PLTP: variants seen among roughly 807,000 people sequenced by gnomAD.
The protein encoded by PLTP is BPI fold containing family E.
Under a neutral mutation model 54.1 loss-of-function variants are expected in PLTP, and 43 were observed. That is an observed-to-expected ratio of 0.79 (90% CI 0.62 to 1.02). The LOEUF (loss-of-function observed/expected upper bound fraction) is 1.02, where lower values mean the gene tolerates loss of function less well. PLTP is among the 50% of genes least tolerant of loss of function. PLTP has a pLI of 0.00. For synonymous variants in PLTP, 263 were observed against 264.6 expected, an observed-to-expected ratio of 0.99 and a Z score of 0.06; for missense variants, 604 against 645.9, an observed-to-expected ratio of 0.94 and a Z score of 0.70.
chr20:45,911,346 G>C lies in PLTP; in HGVS notation c.100+7C>G. On this transcript the variant is annotated splice_region_variant and intron_variant, in intron 2 of 15. Coordinates refer to ENST00000372431, the MANE Select transcript of PLTP (RefSeq NM_006227.4). ...CCCGTCCGTCCCTGTCTGCCCCTGC[G>C]CCTTACCCAGCTCCAGCGCCTTGGA... The C allele has an allele frequency of 6.2e-7, 1 of 1,613,322 alleles. No homozygotes were observed. The highest frequency in any genetic ancestry group is 1.7e-5 in the Admixed American group (1 of 60,016).
At chr20:45,907,653 T>A in intron 7 of PLTP, 39 bp downstream of exon 7, 1 of 1,586,110 alleles carries the variant, frequency 6.3e-7, no homozygotes, top group East Asian at 2.2e-5. Context: ...AGGTGCTGCA[T>A]GACAGCTGCA....
Position 45,902,332 on chromosome 20 carries a change from G to T in PLTP, c.1110C>A (p.Asp370Glu). 1 of 1,614,168 alleles carries T rather than the reference G, an allele frequency of 6.2e-7. No individual in the cohort carries two copies. Among genetic ancestry groups the T allele is most frequent in the Non-Finnish European group, 8.5e-7 (1 of 1,180,044 alleles). The change falls in exon 12 of 16, where the codon GAC becomes GAA. Residue 370 changes from aspartate (D) to glutamate (E), a missense_variant and splice_region_variant. Physicochemically the swap from Asp to Glu is conservative, Grantham distance 45 (BLOSUM62 2). Coordinates refer to ENST00000372431, the MANE Select transcript of PLTP (RefSeq NM_006227.4). ...GAGCCATCTTGGCGCTGAGACGGGCGTCCTGCAGGAACATGGGGAGGAGGA... is the reference window on the plus strand; with the variant it reads ...GAGCCATCTTGGCGCTGAGACGGGCTTCCTGCAGGAACATGGGGAGGAGGA... Reference protein sequence around the residue: ...PEVQLSSMTMDARLSAKMALR... With the variant: ...PEVQLSSMTMEARLSAKMALR...
In PLTP at chr20:45,906,747, T is replaced by C. The variant is rs1461714409; in HGVS notation, c.614-388A>G. On this transcript the variant is annotated intron_variant, in intron 7 of 15. Transcript: ENST00000372431. ...CTCTACTAAAAATACAAAAATTAGT[T>C]GGGCATGGTGGTGGGCGCCTGTAAT... Among the ~76,000 whole-genome samples the C allele has an allele frequency of 5.0e-5, 7 of 139,928 alleles. 1 individual carries two copies. In the Admixed American group the frequency reaches 5.3e-4, roughly 11 times the overall value. 91.8% of individuals were successfully genotyped at this position (139,928 alleles called of 152,430 possible).
Position 45,898,918 on chromosome 20 carries a change from C to T in PLTP, c.*23G>A. The T allele has an allele frequency of 6.2e-7, 1 of 1,612,034 alleles. No individual in the cohort carries two copies. Among genetic ancestry groups the T allele is most frequent in the East Asian group, 2.2e-5 (1 of 44,814 alleles). On this transcript the variant is annotated 3_prime_UTR_variant, in exon 16 of 16. Transcript: ENST00000372431. This position sits in a 1 kb window ranked among gnomAD's most constrained non-coding sequence, Gnocchi z 4.6. ...GAGGGGTTGGGGTCCTGAATGACAG[C>T]TGCCAGCTTGGGGATTGAGGGCTCA...
intron 4 of PLTP, 117 bp from the exon 5 acceptor site, chr20:45,909,788 T>C (rs378114): frequency 0.74 from 1,040,397 of 1,412,392 alleles, 385,747 homozygotes; most frequent in Admixed American, 0.85. Flanking sequence ...CTACCAAACC[T>C]TCCTATCAAC....
chr20:45,909,963 C>T lies in PLTP; in HGVS notation c.308G>A (p.Arg103Lys). The T allele has an allele frequency of 6.2e-7, 1 of 1,614,142 alleles. No individual in the cohort carries two copies. The highest frequency in any genetic ancestry group is 8.5e-7 in the Non-Finnish European group (1 of 1,180,032). Residue 103 changes from arginine to lysine, a missense_variant, in exon 4 of 16, where the codon AGA becomes AAA. By Grantham distance (26) the Arg-to-Lys change is conservative. Transcript: ENST00000372431. Reference sequence around the variant, plus strand: ...TTACAAGAACCAGTAGAGCAGCTGTCTCCGGAAGCGCAGCCCCAAGGAGGC... The same window carrying T: ...TTACAAGAACCAGTAGAGCAGCTGTTTCCGGAAGCGCAGCCCCAAGGAGGC... ...TNASLGLRFRRQLLYWFFYDG... is the reference protein window; with the variant it reads ...TNASLGLRFRKQLLYWFFYDG...
At chr20:45,906,108 G>A (rs1365649429) in intron 8 of PLTP, among the ~76,000 whole-genome samples, 160 bp downstream of exon 8, 2 of 152,182 alleles carry the variant, frequency 1.3e-5, no homozygotes, top group Non-Finnish European at 2.9e-5. Context: ...CCAGACCCAG[G>A]AGGCTGAACC....
rs1217903021 is a variant in PLTP, at chr20:45,902,621, A to AG, written c.943-18dup. ...TGCTGGGCTCTGGGGGATGAGCAGCAGGGGCGGGTCAAGTCCCTGCCATTT... is the reference window on the plus strand; with the variant it reads ...TGCTGGGCTCTGGGGGATGAGCAGCAGGGGGCGGGTCAAGTCCCTGCCATTT... On this transcript the variant is annotated splice_polypyrimidine_tract_variant and intron_variant, in intron 10 of 15. Transcript: ENST00000372431. 1 of 1,584,434 alleles carries AG rather than the reference A, an allele frequency of 6.3e-7. No homozygotes were observed. Among genetic ancestry groups the AG allele is most frequent in the East Asian group, 2.3e-5 (1 of 43,260 alleles).
rs562285652 is a variant in PLTP, at chr20:45,900,169, C to T, written c.1176-291G>A. ...TGTCGCCCACGCTGGAGTGCAGTGGCGCGATCTCGGCTCACTGCTCCGTCT... is the reference window on the plus strand; with the variant it reads ...TGTCGCCCACGCTGGAGTGCAGTGGTGCGATCTCGGCTCACTGCTCCGTCT... On this transcript the variant is annotated intron_variant, in intron 12 of 15. Transcript: ENST00000372431. 3.9e-5 allele frequency among the ~76,000 whole-genome samples: 5 copies of T among 128,236 alleles called. No individual in the cohort carries two copies. The East Asian group carries it at 9.8e-4, about 25-fold the overall frequency. 84.1% of individuals were successfully genotyped at this position (128,236 alleles called of 152,430 possible). A position where few individuals can be genotyped will look rare whatever the true frequency, so the allele number is the denominator to read the frequency against.
At chr20:45,900,001 C>T in intron 12 of PLTP, 123 bp from the exon 13 acceptor site, 1 of 799,966 alleles carries the variant, frequency 1.3e-6, no homozygotes, top group Non-Finnish European at 2.2e-6. Context: ...GGCACCTTTC[C>T]AAGTGCTACA....
intron 3 of PLTP, chr20:45,910,803 CCCT>C: frequency 8.3e-7 from 1 of 1,202,338 alleles, no homozygotes; most frequent in Non-Finnish European, 1.1e-6. Flanking sequence ...GTTTCTCCAC[CCCT>C]CCGATTAACT....
chr20:45,901,316 G>A (rs2083181896), intron 12 of PLTP, among the ~76,000 whole-genome samples: 1 of 152,174 alleles, frequency 6.6e-6, no homozygotes, highest in African/African-American at 2.4e-5. Flanking sequence ...AGACAAAATG[G>A]GCTGGGTGCG....
chr20:45,910,821 C>A, intron 3 of PLTP: 1 of 1,243,054 alleles, frequency 8.0e-7, no homozygotes, highest in Non-Finnish European at 1.0e-6. Context: ...TTAACTCCAC[C>A]CCGTGCCCGA....
rs536481562 is a variant in PLTP at position 45,911,312 on chromosome 20, C to G, written c.100+41G>C. On this transcript the variant is annotated intron_variant, in intron 2 of 15. Transcript: ENST00000372431. Reference sequence around the variant, plus strand: ...GCCCACTGTTGGGGCGACCCCAACCCCGTCCGCTCCCGTCCGTCCCTGTCT... The same window carrying G: ...GCCCACTGTTGGGGCGACCCCAACCGCGTCCGCTCCCGTCCGTCCCTGTCT... 47 of 1,613,704 alleles carry G rather than the reference C, an allele frequency of 2.9e-5. 1 individual carries two copies. In the South Asian group the frequency reaches 4.9e-4, roughly 17 times the overall value.
rs749280655 is a variant in PLTP, at chr20:45,902,463, C to T, written c.1084G>A (p.Val362Ile). The T allele has an allele frequency of 2.5e-6, 4 of 1,614,136 alleles. No individual in the cohort carries two copies. The change falls in exon 11 of 16, where the codon GTC becomes ATC. Residue 362 changes from valine to isoleucine, a missense_variant. By Grantham distance (29) the Val-to-Ile change is conservative. Transcript: ENST00000372431. The part of the protein sequence containing the change: ...IALVPPDQPE[V>I]QLSSMTMDAR... ...ACCATAGTCATGCTGGACAGCTGGA[C>T]CTCAGGCTGGTCTGGTGGGACCAGG...
chr20:45,911,170 A>T lies in PLTP; in HGVS notation c.182T>A (p.Phe61Tyr). 6.2e-7 allele frequency: 1 copy of T among 1,613,868 alleles called. No individual in the cohort carries two copies. Among genetic ancestry groups the T allele is most frequent in the Non-Finnish European group, 8.5e-7 (1 of 1,179,840 alleles). ...CACTTACTCAGAGATGTTGTAGTAG[A>T]AGTGGCCTTCTTTGCCCCGCAGGTC... is the stretch of plus-strand genomic sequence containing the variant. The part of the protein sequence containing the change: ...IPDLRGKEGH[F>Y]YYNISEVKVT... The change falls in exon 3 of 16, where the codon TTC becomes TAC. Residue 61 changes from phenylalanine to tyrosine, a missense_variant. Transcript: ENST00000372431.
chr20:45,909,948 C>G lies in PLTP; in HGVS notation c.323G>C (p.Trp108Ser), dbSNP rs1014455742. 1.7e-5 allele frequency: 28 copies of G among 1,613,958 alleles called. No individual in the cohort carries two copies. In the Admixed American group the frequency reaches 4.3e-4, roughly 25 times the overall value. The change falls in exon 4 of 16, where the codon TGG (tryptophan) becomes TCG (serine). Residue 108 changes from tryptophan to serine, a missense_variant. By Grantham distance (177) the Trp-to-Ser change is radical. Coordinates refer to ENST00000372431, the MANE Select transcript of PLTP (RefSeq NM_006227.4). ...GAGGGTGCTGGGTCCTTACAAGAAC[C>G]AGTAGAGCAGCTGTCTCCGGAAGCG... is the stretch of plus-strand genomic sequence containing the variant. ...GLRFRRQLLY[W>S]FFYDGGYINA...
In PLTP at chr20:45,902,331, C is replaced by T. The variant is rs571813453; in HGVS notation, c.1111G>A (p.Ala371Thr). 66 of 1,614,148 alleles carry T rather than the reference C, an allele frequency of 4.1e-5. No homozygotes were observed. In the Middle Eastern group the frequency reaches 4.9e-4, roughly 12 times the overall value. The change falls in exon 12 of 16, where the codon GCC becomes ACC. Residue 371 changes from alanine to threonine, a missense_variant. By Grantham distance (58) the Ala-to-Thr change is moderately conservative. Transcript: ENST00000372431. ...EVQLSSMTMD[A>T]RLSAKMALRG... ...AGAGCCATCTTGGCGCTGAGACGGGCGTCCTGCAGGAACATGGGGAGGAGG... is the reference window on the plus strand; with the variant it reads ...AGAGCCATCTTGGCGCTGAGACGGGTGTCCTGCAGGAACATGGGGAGGAGG...
intron 15 of PLTP, 93 bp from the exon 16 acceptor site, chr20:45,899,156 T>G: frequency 1.3e-6 from 2 of 1,529,982 alleles, no homozygotes; most frequent in Non-Finnish European, 1.8e-6. Context: ...TTTCAGGAAC[T>G]CAATCTAATG....
Sources: allele counts gnomAD v4.1 joint callset (sites outside exome capture counted in the v4.1 genomes callset), GRCh38; gene constraint gnomAD v4.1.1; non-coding constraint Gnocchi (gnomAD v3.1); transcripts MANE v1.5; gene names NCBI Gene and HGNC (gene_info 2026-07-23, HGNC 2026-07-21).